Variants in COX18 observed in about 807,000 individuals in gnomAD.
COX18 encodes cytochrome c oxidase assembly factor COX18.
Under a neutral mutation model 38.0 loss-of-function variants are expected in COX18, and 45 were observed. That is an observed-to-expected ratio of 1.18 (90% CI 0.93 to 1.52). COX18 has a LOEUF of 1.52. Among genes scored for constraint, COX18 ranks in the 40% most tolerant of loss-of-function variants. The pLI is 0.00. For synonymous variants in COX18, 177 were observed against 169.8 expected, an observed-to-expected ratio of 1.04 and a Z score of -0.33; for missense variants, 462 against 423.8, an observed-to-expected ratio of 1.09 and a Z score of -0.79.
Position 73,054,650 on chromosome 4 carries a change from A to G in COX18, c.*3464T>C, listed in dbSNP as rs1719824239. The G allele has an allele frequency of 6.6e-6, 1 of 152,280 alleles. No individual in the cohort carries two copies. The highest frequency in any genetic ancestry group is 1.5e-5 in the Non-Finnish European group (1 of 68,056). 9.4% of individuals were successfully genotyped at this position (152,280 alleles called of 1,614,324 possible). ...CTAAGCACAATATACATTTGTAAAGATACAAATATACATTTTGAAATCAAG... is the reference window on the plus strand; with the variant it reads ...CTAAGCACAATATACATTTGTAAAGGTACAAATATACATTTTGAAATCAAG... On this transcript the variant is annotated 3_prime_UTR_variant, in exon 6 of 6. Transcript: ENST00000507544.
At chr4:73,060,115 T>C (rs1197043109) in intron 5 of COX18, among the ~76,000 whole-genome samples, 1 of 152,186 alleles carries the variant, frequency 6.6e-6, no homozygotes, top group African/African-American at 2.4e-5. Context: ...AGGCTGTGGA[T>C]AACAAAGCAG....
Position 73,054,991 on chromosome 4 carries a change from T to C in COX18, c.*3123A>G, listed in dbSNP as rs1719835054. 6.6e-6 allele frequency: 1 copy of C among 152,222 alleles called. No homozygotes were observed. Among genetic ancestry groups the C allele is most frequent in the Non-Finnish European group, 1.5e-5 (1 of 68,046 alleles). 9.4% of individuals were successfully genotyped at this position (152,222 alleles called of 1,614,324 possible). A position where few individuals can be genotyped will look rare whatever the true frequency, so the allele number is the denominator to read the frequency against. Reference sequence around the variant, plus strand: ...ACATATTTCACAATATCATAGCACGTTATTTTTTGCGTCTCAGCAAAAGTG... The same window carrying C: ...ACATATTTCACAATATCATAGCACGCTATTTTTTGCGTCTCAGCAAAAGTG... On this transcript the variant is annotated 3_prime_UTR_variant, in exon 6 of 6. Coordinates refer to ENST00000507544, the MANE Select transcript of COX18 (RefSeq NM_001297732.2).
rs1393039801 is a variant in COX18 at position 73,057,132 on chromosome 4, T to TA, written c.*981dup. The TA allele has an allele frequency of 1.1e-3, 136 of 124,930 alleles. No homozygotes were observed. The highest frequency in any genetic ancestry group is 6.4e-3 in the Middle Eastern group (1 of 156). The allele number at this position is 124,930 out of a possible 1,614,324, so 7.7% of individuals were successfully genotyped here. A position where few individuals can be genotyped will look rare whatever the true frequency, so the allele number is the denominator to read the frequency against. ...AGAGACTCTGTCTCATTAAAAAAATTAAAAAAAAAAAATGCTGGGTGAGGT... is the reference window on the plus strand; with the variant it reads ...AGAGACTCTGTCTCATTAAAAAAATTAAAAAAAAAAAAATGCTGGGTGAGGT... On this transcript the variant is annotated 3_prime_UTR_variant, in exon 6 of 6. Coordinates refer to ENST00000507544, the MANE Select transcript of COX18 (RefSeq NM_001297732.2).
intron 4 of COX18, among the ~76,000 whole-genome samples, chr4:73,063,580 G>A (rs979586682): frequency 2.0e-5 from 3 of 152,118 alleles, no homozygotes; most frequent in African/African-American, 7.2e-5. Context: ...TTAGTCTTTA[G>A]ATGACATAGA....
chr4:73,061,025 A>G (rs1380952939), intron 5 of COX18, among the ~76,000 whole-genome samples: 8 of 152,218 alleles, frequency 5.3e-5, no homozygotes, highest in Non-Finnish European at 5.9e-5. Context: ...AGAAACTTCT[A>G]AAGTATTTGT....
intron 1 of COX18, 61 bp from the exon 2 acceptor site, chr4:73,068,190 A>C: frequency 2.0e-6 from 2 of 997,894 alleles, no homozygotes; most frequent in Non-Finnish European, 3.0e-6. Context: ...AATGACTCAT[A>C]ATCTTTCACA....
At position 73,069,404 on chromosome 4, in the gene COX18, C is replaced by G; in HGVS notation, c.246G>C (p.Trp82Cys). The G allele has an allele frequency of 1.3e-6, 2 of 1,568,246 alleles. No homozygotes were observed. The highest frequency in any genetic ancestry group is 2.3e-5 in the South Asian group (2 of 85,634). Residue 82 changes from tryptophan (W) to cysteine (C), a missense_variant, in exon 1 of 6, where the codon TGG becomes TGC. Transcript: ENST00000507544. Reference sequence around the variant, plus strand: ...CGGTGGAGAGCAGAATGCTGCCCCACCAGGGCAGGCCCGTGGCGGCGTGCA... The same window carrying G: ...CGGTGGAGAGCAGAATGCTGCCCCAGCAGGGCAGGCCCGTGGCGGCGTGCA... ...LGVHAATGLP[W>C]WGSILLSTVA...
At chr4:73,067,532 T>C (rs560044893) in intron 2 of COX18, among the ~76,000 whole-genome samples, 182 of 152,160 alleles carry the variant, frequency 1.2e-3, no homozygotes, top group Middle Eastern at 6.8e-3. Flanking sequence ...CATGCCATAT[T>C]AATAACTTAT....
At position 73,069,374 on chromosome 4, in the gene COX18, G is replaced by T; in HGVS notation, c.276C>A (p.Ala92=). The change falls in exon 1 of 6, where the codon GCC becomes GCA. Residue 92 remains alanine (A), a synonymous_variant. Transcript: ENST00000507544. ...AAGGCAGCGTGACAGCACCCCGTAAGGCCACGGTGGAGAGCAGAATGCTGC... is the reference window on the plus strand; with the variant it reads ...AAGGCAGCGTGACAGCACCCCGTAATGCCACGGTGGAGAGCAGAATGCTGC... ...WWGSILLSTV[A]LRGAVTLPLA... is the part of the protein sequence containing the mutation. The T allele has an allele frequency of 6.4e-7, 1 of 1,559,202 alleles. No individual in the cohort carries two copies. Among genetic ancestry groups the T allele is most frequent in the Non-Finnish European group, 8.7e-7 (1 of 1,152,562 alleles).
At chr4:73,064,417 T>C (rs1229353178) in intron 4 of COX18, among the ~76,000 whole-genome samples, 2 of 152,202 alleles carry the variant, frequency 1.3e-5, no homozygotes, top group Non-Finnish European at 2.9e-5. Flanking sequence ...AATTCACATA[T>C]TAAACACACA....
chr4:73,057,733 G>A lies in COX18; in HGVS notation c.*381C>T, dbSNP rs576667847. ...TGTCCAGGCTGGAGTGCAATGGGGT[G>A]ATCTCAGCTCACTGAAACCTCTGTA... On this transcript the variant is annotated 3_prime_UTR_variant, in exon 6 of 6. Coordinates refer to ENST00000507544, the MANE Select transcript of COX18 (RefSeq NM_001297732.2). 180 of 156,028 alleles carry A rather than the reference G, an allele frequency of 1.2e-3. 1 individual carries two copies. The highest frequency in any genetic ancestry group is 4.0e-3 in the African/African-American group (166 of 41,506). The allele number at this position is 156,028 out of a possible 1,614,324, so 9.7% of individuals were successfully genotyped here.
rs903576570 is a variant in COX18, at chr4:73,057,602, T to C, written c.*512A>G. On this transcript the variant is annotated 3_prime_UTR_variant, in exon 6 of 6. Coordinates refer to ENST00000507544, the MANE Select transcript of COX18 (RefSeq NM_001297732.2). The stretch of plus-strand genomic sequence containing the variant: ...GACAGGCACTTTGGTTCTATTCTAA[T>C]ACTTTCACAAACATACTGCATTTAT... The C allele has an allele frequency of 2.0e-5, 3 of 152,732 alleles. No homozygotes were observed. The highest frequency in any genetic ancestry group is 7.2e-5 in the African/African-American group (3 of 41,462). 9.5% of individuals were successfully genotyped at this position (152,732 alleles called of 1,614,324 possible).
Position 73,069,493 on chromosome 4 carries a change from C to T in COX18, c.157G>A (p.Gly53Ser). ...GACGCGGCCAGGGCCTCGTACCAGC[C>T]GTTCGCATGTACTGCAGAGACTGGT... is the stretch of plus-strand genomic sequence containing the variant. ...VAPVSAVHAN[G>S]WYEALAASSP... The change falls in exon 1 of 6, where the codon GGC (glycine) becomes AGC (serine). Residue 53 changes from glycine (G) to serine (S), a missense_variant. By Grantham distance (56) the Gly-to-Ser change is moderately conservative (BLOSUM62 0). Transcript: ENST00000507544. 6.3e-7 allele frequency: 1 copy of T among 1,593,764 alleles called. No homozygotes were observed. The highest frequency in any genetic ancestry group is 2.3e-5 in the East Asian group (1 of 43,908).
rs1720198545 is a variant in COX18 at position 73,062,062 on chromosome 4, T to C, written c.724-142A>G. ...ATATATATACACACAAAACACTGAT[T>C]AATTTATATGGCTGATCATCTTTTT... is the stretch of plus-strand genomic sequence containing the variant. On this transcript the variant is annotated intron_variant, in intron 4 of 5. Coordinates refer to ENST00000507544, the MANE Select transcript of COX18 (RefSeq NM_001297732.2). 16 of 564,780 alleles carry C rather than the reference T, an allele frequency of 2.8e-5. No homozygotes were observed. In the East Asian group the frequency reaches 5.0e-4, roughly 17 times the overall value. 35.0% of individuals were successfully genotyped at this position (564,780 alleles called of 1,614,324 possible). A position where few individuals can be genotyped will look rare whatever the true frequency, so the allele number is the denominator to read the frequency against.
chr4:73,053,761 A>C lies in COX18; in HGVS notation c.*4353T>G, dbSNP rs1719803387. 1 of 152,134 alleles carries C rather than the reference A, an allele frequency of 6.6e-6. No homozygotes were observed. Among genetic ancestry groups the C allele is most frequent in the Non-Finnish European group, 1.5e-5 (1 of 68,034 alleles). 9.4% of individuals were successfully genotyped at this position (152,134 alleles called of 1,614,324 possible). ...TCCTGGGTTATCTGTCAGGGTGGCA[A>C]TTAAGAATTTTGGTTTTCCTTTGTA... On this transcript the variant is annotated 3_prime_UTR_variant, in exon 6 of 6. Coordinates refer to ENST00000507544, the MANE Select transcript of COX18 (RefSeq NM_001297732.2).
In COX18 at chr4:73,057,423, C is replaced by T. The variant is rs1400317841; in HGVS notation, c.*691G>A. 1 of 150,398 alleles carries T rather than the reference C, an allele frequency of 6.6e-6. No individual in the cohort carries two copies. The highest frequency in any genetic ancestry group is 1.5e-5 in the Non-Finnish European group (1 of 67,640). 9.3% of individuals were successfully genotyped at this position (150,398 alleles called of 1,614,324 possible). On this transcript the variant is annotated 3_prime_UTR_variant, in exon 6 of 6. Transcript: ENST00000507544. ...CCTGGGTGACACAGTGAGACTCCATCTCAAAAAAAAAAAACATGAATCATC... is the reference window on the plus strand; with the variant it reads ...CCTGGGTGACACAGTGAGACTCCATTTCAAAAAAAAAAAACATGAATCATC...
In COX18 at chr4:73,065,526, A is replaced by G. The variant is rs138259049; in HGVS notation, c.435-113T>C. 1.5e-5 allele frequency: 14 copies of G among 910,524 alleles called. No individual in the cohort carries two copies. In the African/African-American group the frequency reaches 2.0e-4, roughly 13 times the overall value. The allele number at this position is 910,524 out of a possible 1,614,324, so 56.4% of individuals were successfully genotyped here. A position where few individuals can be genotyped will look rare whatever the true frequency, so the allele number is the denominator to read the frequency against. On this transcript the variant is annotated intron_variant, in intron 2 of 5. Transcript: ENST00000507544. The stretch of plus-strand genomic sequence containing the variant: ...TGTAGTTATTAGCTAAAGGATTTGT[A>G]TAAGGGTTTCAGCTGTCACAGGCAT...
rs550853953 is a variant in COX18 at position 73,060,873 on chromosome 4, C to T, written c.831+940G>A. Among the ~76,000 whole-genome samples, 215 of 69,084 alleles carry T rather than the reference C, an allele frequency of 3.1e-3. 1 individual carries two copies. Among genetic ancestry groups the T allele is most frequent in the African/African-American group, 9.4e-3 (210 of 22,332 alleles). 45.3% of individuals were successfully genotyped at this position (69,084 alleles called of 152,430 possible). A position where few individuals can be genotyped will look rare whatever the true frequency, so the allele number is the denominator to read the frequency against. Reference sequence around the variant, plus strand: ...CCAGCCTGGGCGACAGAGCAAGACTCCATCTCAAAAAAAAAAAAAAAAAAT... The same window carrying T: ...CCAGCCTGGGCGACAGAGCAAGACTTCATCTCAAAAAAAAAAAAAAAAAAT... On this transcript the variant is annotated intron_variant, in intron 5 of 5. Coordinates refer to ENST00000507544, the MANE Select transcript of COX18 (RefSeq NM_001297732.2).
rs755622170 is a variant in COX18 at position 73,064,794 on chromosome 4, T to C, written c.707A>G (p.Asn236Ser). 5.6e-6 allele frequency: 9 copies of C among 1,613,658 alleles called. No homozygotes were observed. Among genetic ancestry groups the C allele is most frequent in the African/African-American group, 2.7e-5 (2 of 75,010 alleles). The change falls in exon 4 of 6, where the codon AAT (asparagine) becomes AGT (serine). Residue 236 changes from asparagine (N) to serine (S), a missense_variant. Transcript: ENST00000507544. ...ACTACTGACCTCCACTATTAACAAATTGATGACGCCAACAGAGATAGGCAG... is the reference window on the plus strand; with the variant it reads ...ACTACTGACCTCCACTATTAACAAACTGATGACGCCAACAGAGATAGGCAG... ...WILPISVGVINLLIVEICALQ... is the reference protein window; with the variant it reads ...WILPISVGVISLLIVEICALQ...
Sources: allele counts gnomAD v4.1 joint callset (sites outside exome capture counted in the v4.1 genomes callset), GRCh38; gene constraint gnomAD v4.1.1; transcripts MANE v1.5; gene names NCBI Gene and HGNC (gene_info 2026-07-23, HGNC 2026-07-21).